SRBD1: variants seen among roughly 807,000 people sequenced by gnomAD.
The protein encoded by SRBD1 is S1 RNA binding domain 1, also known as S1 RNA-binding domain-containing protein 1.
Under a neutral mutation model 115.3 loss-of-function variants are expected in SRBD1, and 88 were observed. The observed-to-expected ratio is 0.76, with a 90% CI of 0.64 to 0.91. The LOEUF (loss-of-function observed/expected upper bound fraction) is 0.91. SRBD1 is among the 40% of genes least tolerant of loss of function. The pLI is 0.00. For synonymous variants in SRBD1, 509 were observed against 407.7 expected, an observed-to-expected ratio of 1.25 and a Z score of -2.99; for missense variants, 1,385 against 1,177.4, an observed-to-expected ratio of 1.18 and a Z score of -2.58.
intron 19 of SRBD1, among the ~76,000 whole-genome samples, chr2:45,404,157 G>T (rs192283089): frequency 6.6e-6 from 1 of 152,226 alleles, no homozygotes; most frequent in East Asian, 1.9e-4. Flanking sequence ...GATCAAAGAT[G>T]ATTTCAAGGC....
intron 7 of SRBD1, among the ~76,000 whole-genome samples, chr2:45,575,364 C>T (rs1673144605): frequency 6.6e-6 from 1 of 152,184 alleles, no homozygotes; most frequent in African/African-American, 2.4e-5. Context: ...TAATTTATAG[C>T]AATGAATCTT....
intron 14 of SRBD1, among the ~76,000 whole-genome samples, chr2:45,499,496 A>C (rs1300229475): frequency 6.6e-6 from 1 of 152,100 alleles, no homozygotes; most frequent in South Asian, 2.1e-4. Flanking sequence ...GAAGCTTTTT[A>C]GCTTGATGTA....
intron 14 of SRBD1, among the ~76,000 whole-genome samples, chr2:45,545,821 A>C (rs1672102522): frequency 6.6e-6 from 1 of 151,844 alleles, no homozygotes; most frequent in Non-Finnish European, 1.5e-5. Flanking sequence ...CTCTGACTAC[A>C]CTCTTGGCAC....
chr2:45,605,534 A>C, intron 1 of SRBD1, 93 bp from the exon 2 acceptor site: 3 of 1,195,676 alleles, frequency 2.5e-6, no homozygotes, highest in Non-Finnish European at 3.6e-6. Context: ...CTAACATTTC[A>C]TAGGAAAAAA....
At chr2:45,474,211 T>G (rs1160946787) in intron 16 of SRBD1, among the ~76,000 whole-genome samples, 1 of 152,250 alleles carries the variant, frequency 6.6e-6, no homozygotes, top group African/African-American at 2.4e-5. Flanking sequence ...TGTTACTTAT[T>G]CATTGTCTCA....
rs1330144117 is a variant in SRBD1, at chr2:45,505,777, A to G, written c.1875-17446T>C. 4.6e-5 allele frequency among the ~76,000 whole-genome samples: 7 copies of G among 151,858 alleles called. No homozygotes were observed. In the East Asian group the frequency reaches 9.7e-4, roughly 21 times the overall value. On this transcript the variant is annotated intron_variant, in intron 14 of 20. Coordinates refer to ENST00000263736, the MANE Select transcript of SRBD1 (RefSeq NM_018079.5). ...GCTCCCCATATTTGGAGGAAGAGAG[A>G]CCCAAAGAGTTAAATAATCAGACCA...
intron 19 of SRBD1, among the ~76,000 whole-genome samples, chr2:45,409,408 T>C (rs2103849219): frequency 6.6e-6 from 1 of 151,098 alleles, no homozygotes; most frequent in South Asian, 2.1e-4. Context: ...ATTTTTTTTA[T>C]ATTAAAAAAA....
At chr2:45,438,782 G>A (rs1668575739) in intron 16 of SRBD1, among the ~76,000 whole-genome samples, 1 of 152,100 alleles carries the variant, frequency 6.6e-6, no homozygotes, top group South Asian at 2.1e-4. Context: ...GGAGTCCTGA[G>A]AGGGAAAGAG....
intron 16 of SRBD1, among the ~76,000 whole-genome samples, chr2:45,440,033 A>AT (rs560275037): frequency 6.6e-6 from 1 of 152,134 alleles, no homozygotes; most frequent in Non-Finnish European, 1.5e-5. Flanking sequence ...TATATAAAGT[A>AT]TTTTGTAAAG....
intron 14 of SRBD1, 130 bp from the exon 15 acceptor site, chr2:45,488,461 T>C (rs1378129945): frequency 3.2e-6 from 2 of 627,384 alleles, no homozygotes; most frequent in East Asian, 5.6e-5. Flanking sequence ...CATATCTCAA[T>C]GATACTGACA....
intron 16 of SRBD1, among the ~76,000 whole-genome samples, chr2:45,443,640 T>C (rs7563962): frequency 0.082 from 12,504 of 151,984 alleles, 722 homozygotes; most frequent in African/African-American, 0.16. Flanking sequence ...AAGAACACTG[T>C]AAACATCTAA....
chr2:45,418,727 A>T (rs1215045881), intron 17 of SRBD1, among the ~76,000 whole-genome samples, 186 bp from the exon 18 acceptor site: 1 of 152,108 alleles, frequency 6.6e-6, no homozygotes, highest in African/African-American at 2.4e-5. Context: ...TGCAAGAGGA[A>T]AGAAGGACAA....
At chr2:45,460,204 C>T (rs549626795) in intron 16 of SRBD1, among the ~76,000 whole-genome samples, 4 of 152,332 alleles carry the variant, frequency 2.6e-5, no homozygotes, top group African/African-American at 7.2e-5. Context: ...CTGCATTCTG[C>T]TGCCATCACT....
intron 14 of SRBD1, among the ~76,000 whole-genome samples, chr2:45,535,654 A>T (rs1204493712): frequency 6.6e-6 from 1 of 152,040 alleles, no homozygotes; most frequent in African/African-American, 2.4e-5. Flanking sequence ...AAGAAACAGA[A>T]GATCTCTTAA....
intron 4 of SRBD1, among the ~76,000 whole-genome samples, chr2:45,595,963 T>G (rs1025850724): frequency 1.3e-5 from 2 of 151,630 alleles, no homozygotes; most frequent in African/African-American, 4.8e-5. Flanking sequence ...TCTCAGAGAA[T>G]AGGCATTCAG....
At chr2:45,558,136 T>C (rs1016992030) in intron 10 of SRBD1, among the ~76,000 whole-genome samples, 1 of 152,088 alleles carries the variant, frequency 6.6e-6, no homozygotes, top group Admixed American at 6.5e-5. Flanking sequence ...AATTAACTTA[T>C]CAAGTCAAAG....
At chr2:45,486,714 C>T (rs1670131880) in intron 15 of SRBD1, among the ~76,000 whole-genome samples, 1 of 151,394 alleles carries the variant, frequency 6.6e-6, no homozygotes, top group Admixed American at 6.6e-5. Context: ...GCCTGGGTGA[C>T]AGCGAGACCC....
chr2:45,599,164 G>T (rs899179221), intron 4 of SRBD1, among the ~76,000 whole-genome samples: 5 of 152,076 alleles, frequency 3.3e-5, no homozygotes, highest in Admixed American at 6.5e-5. Flanking sequence ...GAACCTGTGG[G>T]GGCCCAACCA....
intron 4 of SRBD1, among the ~76,000 whole-genome samples, chr2:45,594,661 T>G (rs934652884): frequency 1.1e-4 from 17 of 152,232 alleles, no homozygotes; most frequent in African/African-American, 3.9e-4. Context: ...ATAATGTCTG[T>G]TAAAACATTA....
Sources: allele counts gnomAD v4.1 joint callset (sites outside exome capture counted in the v4.1 genomes callset), GRCh38; gene constraint gnomAD v4.1.1; transcripts MANE v1.5; gene names NCBI Gene and HGNC (gene_info 2026-07-23, HGNC 2026-07-21).